The following DAAM1 variants were observed in gnomAD, a reference collection of about 807,000 sequenced individuals.
The protein encoded by DAAM1 is dishevelled associated activator of morphogenesis 1.
Under a neutral mutation model 130.0 loss-of-function variants are expected in DAAM1, and 52 were observed. That is an observed-to-expected ratio of 0.40 (90% confidence interval 0.32 to 0.50). The LOEUF (loss-of-function observed/expected upper bound fraction) is 0.50. Ranked by LOEUF, DAAM1 falls within the 20% of genes least tolerant of loss-of-function variation. The probability of loss-of-function intolerance (pLI) is 0.61; values close to 1 mark genes in which losing one functional copy is unlikely to be tolerated. For missense variants in DAAM1, 1,134 were observed against 1,303.8 expected, an observed-to-expected ratio of 0.87 and a Z score of 2.01; for synonymous variants, 452 against 444.5, an observed-to-expected ratio of 1.02 and a Z score of -0.21.
chr14:59,322,313 A>C (rs1410770787), intron 5 of DAAM1, among the ~76,000 whole-genome samples: 3 of 151,784 alleles, frequency 2.0e-5, no homozygotes. Flanking sequence ...CAAGTTCAAG[A>C]CCAGTCTGGG....
chr14:59,367,761 A>G (rs867536836), intron 24 of DAAM1, among the ~76,000 whole-genome samples, 162 bp downstream of exon 24: 1 of 152,230 alleles, frequency 6.6e-6, no homozygotes. Flanking sequence ...CTCTTGGGCT[A>G]TTTAACAGTG....
chr14:59,319,461 C>G (rs570559361), intron 4 of DAAM1, among the ~76,000 whole-genome samples: 1 of 152,110 alleles, frequency 6.6e-6, no homozygotes, highest in Non-Finnish European at 1.5e-5. Flanking sequence ...CATTGAGACC[C>G]ATGGATATGA....
intron 3 of DAAM1, among the ~76,000 whole-genome samples, chr14:59,296,296 T>C (rs1228006201): frequency 6.6e-6 from 1 of 152,196 alleles, no homozygotes; most frequent in Non-Finnish European, 1.5e-5. Flanking sequence ...TAAGCCCAGA[T>C]TGAAACAGTA....
intron 15 of DAAM1, among the ~76,000 whole-genome samples, chr14:59,337,890 AAC>A (rs1463135548): frequency 6.6e-6 from 1 of 152,124 alleles, no homozygotes; most frequent in Non-Finnish European, 1.5e-5. Context: ...CCTTCCTTAT[AAC>A]ACAAGATGAC....
chr14:59,302,330 T>TATAC (rs1884205549), intron 3 of DAAM1, among the ~76,000 whole-genome samples: 2 of 152,322 alleles, frequency 1.3e-5, no homozygotes, highest in South Asian at 4.1e-4. Flanking sequence ...AAAAATAAGT[T>TATAC]AGCAATATAC....
intron 1 of DAAM1, among the ~76,000 whole-genome samples, chr14:59,235,977 C>T (rs1399156417): frequency 1.3e-5 from 2 of 152,080 alleles, no homozygotes; most frequent in East Asian, 3.9e-4. Context: ...GGAAAATAGA[C>T]TTGATATGCT....
intron 1 of DAAM1, among the ~76,000 whole-genome samples, chr14:59,231,521 T>C (rs576789828): frequency 1.3e-5 from 2 of 152,288 alleles, no homozygotes; most frequent in African/African-American, 4.8e-5. Flanking sequence ...AACACGTTAT[T>C]ATTTTTTAAG....
At chr14:59,222,845 G>A (rs1441389852) in intron 1 of DAAM1, among the ~76,000 whole-genome samples, 1 of 152,186 alleles carries the variant, frequency 6.6e-6, no homozygotes, top group Non-Finnish European at 1.5e-5. Context: ...CATGCCATTG[G>A]CTACAGCCCA....
chr14:59,292,484 T>C (rs1208247336), intron 3 of DAAM1, among the ~76,000 whole-genome samples: 1 of 152,212 alleles, frequency 6.6e-6, no homozygotes, highest in Non-Finnish European at 1.5e-5. Flanking sequence ...GCAGTGAGCC[T>C]ATGTGAGTGG....
Position 59,346,151 on chromosome 14 carries a change from G to T in DAAM1, c.2076-1388G>T, listed in dbSNP as rs1016617035. On this transcript the variant is annotated intron_variant, in intron 16 of 24. Transcript: ENST00000360909. ...ATCCCTTTTTTTTGGGGGGGGGGGG[G>T]TGCCTGGAGGGATGCAGTTATGTAG... Among the ~76,000 whole-genome samples the T allele has an allele frequency of 2.1e-4, 18 of 86,890 alleles. No individual in the cohort carries two copies. In the East Asian group the frequency reaches 3.0e-3, roughly 14 times the overall value. 57.0% of individuals were successfully genotyped at this position (86,890 alleles called of 152,430 possible).
At chr14:59,211,555 G>A (rs2139411630) in intron 1 of DAAM1, among the ~76,000 whole-genome samples, 1 of 152,328 alleles carries the variant, frequency 6.6e-6, no homozygotes, top group South Asian at 2.1e-4. Flanking sequence ...TTGCAAAAAT[G>A]AATATTTCTC....
intron 1 of DAAM1, among the ~76,000 whole-genome samples, chr14:59,213,950 T>A (rs1236147039): frequency 2.0e-5 from 3 of 152,240 alleles, no homozygotes; most frequent in African/African-American, 4.8e-5. Flanking sequence ...CAGAGCTTGT[T>A]TCTCAGCAGT....
At chr14:59,266,823 G>C (rs1368999659) in intron 2 of DAAM1, among the ~76,000 whole-genome samples, 1 of 152,168 alleles carries the variant, frequency 6.6e-6, no homozygotes, top group Non-Finnish European at 1.5e-5. Flanking sequence ...GACAGTGCCT[G>C]GTCTCTGGAG....
intron 15 of DAAM1, among the ~76,000 whole-genome samples, chr14:59,332,275 C>T (rs1350854227): frequency 6.6e-6 from 1 of 152,122 alleles, no homozygotes; most frequent in Non-Finnish European, 1.5e-5. Context: ...GTATCTAAAG[C>T]TATTTTGGTT....
At chr14:59,324,006 TG>T in intron 6 of DAAM1, 121 bp from the exon 7 acceptor site, 2 of 546,580 alleles carry the variant, frequency 3.7e-6, no homozygotes, top group Non-Finnish European at 5.5e-6. Context: ...CACTCCAGCC[TG>T]GGCAACAGAG....
At chr14:59,232,846 C>T (rs1196709740) in intron 1 of DAAM1, among the ~76,000 whole-genome samples, 3 of 151,980 alleles carry the variant, frequency 2.0e-5, no homozygotes, top group Non-Finnish European at 2.9e-5. Context: ...CCCTGTGTCA[C>T]GTATTCTCAT....
chr14:59,368,498 A>G, intron 24 of DAAM1, 152 bp from the exon 25 acceptor site: 3 of 772,086 alleles, frequency 3.9e-6, no homozygotes, highest in East Asian at 2.8e-5. Flanking sequence ...CCATGTTCCA[A>G]TTCCCCCTTT....
intron 22 of DAAM1, chr14:59,362,771 T>A (rs534520292): frequency 6.6e-6 from 1 of 151,972 alleles, no homozygotes; most frequent in South Asian, 2.1e-4. Flanking sequence ...TCTCTGCCAA[T>A]GCAAGAAAAT....
At chr14:59,342,835 A>G (rs1386164946) in intron 16 of DAAM1, among the ~76,000 whole-genome samples, 1 of 152,182 alleles carries the variant, frequency 6.6e-6, no homozygotes, top group African/African-American at 2.4e-5. Context: ...AGACTGTTAT[A>G]TGACAAGAGG....
Sources: allele counts gnomAD v4.1 joint callset (sites outside exome capture counted in the v4.1 genomes callset), GRCh38; gene constraint gnomAD v4.1.1; transcripts MANE v1.5; gene names NCBI Gene and HGNC (gene_info 2026-07-23, HGNC 2026-07-21).